The following YWHAQ variants were observed in gnomAD, a reference collection of about 807,000 sequenced individuals.
YWHAQ encodes tyrosine 3-monooxygenase/tryptophan 5-monooxygenase activation protein theta.
Under a neutral mutation model 28.3 loss-of-function variants are expected in YWHAQ, and 6 were observed. The observed-to-expected ratio is 0.21, with a 90% CI of 0.12 to 0.42. The LOEUF (loss-of-function observed/expected upper bound fraction) is 0.42, where lower values mean the gene tolerates loss of function less well. Among genes scored for constraint, YWHAQ ranks in the 10% least tolerant of loss-of-function variants. YWHAQ has a pLI of 1.00. For synonymous variants in YWHAQ, 143 were observed against 119.1 expected, an observed-to-expected ratio of 1.20 and a Z score of -1.31; for missense variants, 201 against 305.6, an observed-to-expected ratio of 0.66 and a Z score of 2.55.
In YWHAQ at chr2:9,585,195, T is replaced by C. The variant is rs1040610902; in HGVS notation, c.*91A>G. On this transcript the variant is annotated 3_prime_UTR_variant, in exon 6 of 6. Transcript: ENST00000238081. ...AGTTGATTCCATACACATGAATGGG[T>C]TTCTTTGCTATAGGAAATCCAAGTG... 2.8e-6 allele frequency: 4 copies of C among 1,428,664 alleles called. No individual in the cohort carries two copies. The highest frequency in any genetic ancestry group is 1.7e-5 in the Admixed American group (1 of 58,276). 88.5% of individuals were successfully genotyped at this position (1,428,664 alleles called of 1,614,324 possible).
intron 2 of YWHAQ, among the ~76,000 whole-genome samples, chr2:9,608,290 G>T (rs62119430): frequency 0.15 from 23,432 of 152,066 alleles, 2,301 homozygotes; most frequent in African/African-American, 0.28. Context: ...ACATCGAGGC[G>T]CTAGATAGGA....
In YWHAQ at chr2:9,605,476, A is replaced by T. The variant is rs182588879; in HGVS notation, c.295-13961T>A. The stretch of plus-strand genomic sequence containing the variant: ...AAGCTCCTTCAGGGAATACTTTTTT[A>T]AAAAAATCCTCACTTGATATGTCCA... On this transcript the variant is annotated intron_variant, in intron 2 of 5. Coordinates refer to ENST00000238081, the MANE Select transcript of YWHAQ (RefSeq NM_006826.4). Among the ~76,000 whole-genome samples, 398 of 152,176 alleles carry T rather than the reference A, an allele frequency of 2.6e-3. 9 individuals are homozygous for T. Among genetic ancestry groups the T allele is most frequent in the Admixed American group, 0.017 (262 of 15,266 alleles).
intron 3 of YWHAQ, among the ~76,000 whole-genome samples, chr2:9,589,027 T>C (rs988008219): frequency 6.6e-6 from 1 of 151,008 alleles, no homozygotes; most frequent in Non-Finnish European, 1.5e-5. Flanking sequence ...GAGGCTGAGG[T>C]GGGAGGACCC....
chr2:9,598,461 TTTG>T (rs1218782030), intron 2 of YWHAQ, among the ~76,000 whole-genome samples: 1 of 152,222 alleles, frequency 6.6e-6, no homozygotes, highest in Non-Finnish European at 1.5e-5. Flanking sequence ...GTGGTGTGTT[TTTG>T]TTGTTTTAAC....
In YWHAQ at chr2:9,601,876, G is replaced by C. The variant is rs145329281; in HGVS notation, c.295-10361C>G. Among the ~76,000 whole-genome samples the C allele has an allele frequency of 1.9e-3, 282 of 152,238 alleles. 2 individuals carry two copies. The highest frequency in any genetic ancestry group is 6.5e-3 in the African/African-American group (272 of 41,546). ...TTGGCCAGGGTGGTCTCGATCTCCT[G>C]ACCTCAGATGATTTGCCTGCCTCGG... On this transcript the variant is annotated intron_variant, in intron 2 of 5. Transcript: ENST00000238081.
intron 2 of YWHAQ, among the ~76,000 whole-genome samples, chr2:9,607,706 TTCC>T (rs1666860703): frequency 6.9e-6 from 1 of 144,060 alleles, no homozygotes; most frequent in East Asian, 2.0e-4. Flanking sequence ...TACTAAATTC[TTCC>T]TCTTTTTTTT....
At chr2:9,597,033 T>A (rs1446760058) in intron 2 of YWHAQ, among the ~76,000 whole-genome samples, 1 of 152,218 alleles carries the variant, frequency 6.6e-6, no homozygotes, top group Non-Finnish European at 1.5e-5. Flanking sequence ...AGATTGTAAT[T>A]TGTGGAACTT....
chr2:9,593,905 A>AAAATAT (rs1205661739), intron 2 of YWHAQ, among the ~76,000 whole-genome samples: 5 of 127,640 alleles, frequency 3.9e-5, no homozygotes, highest in South Asian at 2.4e-4. Flanking sequence ...GATTAAAAAA[A>AAAATAT]ATATATATAT....
chr2:9,619,356 G>A (rs1489144833), intron 2 of YWHAQ, among the ~76,000 whole-genome samples: 2 of 152,126 alleles, frequency 1.3e-5, no homozygotes, highest in African/African-American at 4.8e-5. Flanking sequence ...AACTGCATCA[G>A]TGTACACTGT....
At chr2:9,619,075 G>A (rs1249969548) in intron 2 of YWHAQ, among the ~76,000 whole-genome samples, 1 of 152,102 alleles carries the variant, frequency 6.6e-6, no homozygotes, top group Non-Finnish European at 1.5e-5. Context: ...CTCAACAGAC[G>A]TGGGGGCTAA....
At chr2:9,604,442 GC>G (rs1249544199) in intron 2 of YWHAQ, among the ~76,000 whole-genome samples, 6 of 152,146 alleles carry the variant, frequency 3.9e-5, no homozygotes, top group African/African-American at 1.2e-4. Flanking sequence ...TAAGCACTGG[GC>G]CAGTAATTTG....
intron 2 of YWHAQ, among the ~76,000 whole-genome samples, chr2:9,628,208 C>T (rs982273220): frequency 6.6e-6 from 1 of 152,158 alleles, no homozygotes; most frequent in African/African-American, 2.4e-5. Flanking sequence ...GCCTCTTAAG[C>T]CATTTTATGA....
At chr2:9,604,312 T>C (rs1162265531) in intron 2 of YWHAQ, among the ~76,000 whole-genome samples, 2 of 152,186 alleles carry the variant, frequency 1.3e-5, no homozygotes, top group African/African-American at 4.8e-5. Flanking sequence ...CACTAAGATG[T>C]AGAAAGTCAC....
rs566506603 is a variant in YWHAQ, at chr2:9,630,725, G to A, written c.-82-191C>T. ...CTGGAGGAGGCGGGGGCGGCGCGGA[G>A]GCCCCGCGCGCAGGGAGCCCGAGCC... On this transcript the variant is annotated intron_variant, in intron 1 of 5. Coordinates refer to ENST00000238081, the MANE Select transcript of YWHAQ (RefSeq NM_006826.4). The surrounding 1 kb of genome is among the most constrained non-coding windows in gnomAD (Gnocchi z 5.6). 4.1e-3 allele frequency: 693 copies of A among 169,870 alleles called. 3 individuals carry two copies. The highest frequency in any genetic ancestry group is 0.014 in the Middle Eastern group (6 of 420). 10.5% of individuals were successfully genotyped at this position (169,870 alleles called of 1,614,324 possible).
At chr2:9,629,848 C>T (rs1312876161) in intron 2 of YWHAQ, among the ~76,000 whole-genome samples, 2 of 152,212 alleles carry the variant, frequency 1.3e-5, no homozygotes, top group African/African-American at 4.8e-5. Context: ...TCTCAGGACG[C>T]AGTCTCCCCG....
At chr2:9,585,471 A>C in intron 5 of YWHAQ, 126 bp from the exon 6 acceptor site, 1 of 1,066,798 alleles carries the variant, frequency 9.4e-7, no homozygotes, top group Non-Finnish European at 1.4e-6. Flanking sequence ...CTTGACTAAG[A>C]CTGAAGTTCT....
chr2:9,600,433 G>A (rs1666670485), intron 2 of YWHAQ, among the ~76,000 whole-genome samples: 1 of 152,166 alleles, frequency 6.6e-6, no homozygotes, highest in African/African-American at 2.4e-5. Flanking sequence ...AGGGCCGGGT[G>A]TGGTGACTCA....
intron 2 of YWHAQ, among the ~76,000 whole-genome samples, chr2:9,592,721 C>A (rs902307230): frequency 6.6e-6 from 1 of 151,890 alleles, no homozygotes; most frequent in African/African-American, 2.4e-5. Flanking sequence ...TGGACTCCAT[C>A]TCAAAAAACA....
At chr2:9,623,916 C>T (rs1018428124) in intron 2 of YWHAQ, among the ~76,000 whole-genome samples, 7 of 152,094 alleles carry the variant, frequency 4.6e-5, no homozygotes, top group East Asian at 1.9e-4. Context: ...GCAGTCTGTG[C>T]GAAGTCTTTA....
Sources: allele counts gnomAD v4.1 joint callset (sites outside exome capture counted in the v4.1 genomes callset), GRCh38; gene constraint gnomAD v4.1.1; non-coding constraint Gnocchi (gnomAD v3.1); transcripts MANE v1.5; gene names NCBI Gene and HGNC (gene_info 2026-07-23, HGNC 2026-07-21).